PLG: variants seen among roughly 807,000 people sequenced by gnomAD.
PLG encodes plasmin.
Under a neutral mutation model 104.4 loss-of-function variants are expected in PLG, and 41 were observed. The observed-to-expected ratio is 0.39, with a 90% CI of 0.31 to 0.51. The LOEUF (loss-of-function observed/expected upper bound fraction) is 0.51. Among genes scored for constraint, PLG ranks in the 20% least tolerant of loss-of-function variants. The pLI is 0.76. For missense variants in PLG, 891 were observed against 1,003.6 expected (o/e 0.89, Z 1.52); for synonymous variants, 337 against 357.1 (o/e 0.94, Z 0.63).
chr6:160,749,312 CCAA>C (rs1778355128), intron 17 of PLG, among the ~76,000 whole-genome samples: 1 of 152,036 alleles, frequency 6.6e-6, no homozygotes. Flanking sequence ...ATCATCCCCA[CCAA>C]CATCATCACC....
chr6:160,750,083 GA>G (rs1554253210), intron 17 of PLG, among the ~76,000 whole-genome samples: 1 of 152,222 alleles, frequency 6.6e-6, no homozygotes, highest in Non-Finnish European at 1.5e-5. Flanking sequence ...TAATGACATT[GA>G]AGCAATGGGT....
At chr6:160,720,673 C>A (rs1354462600) in intron 9 of PLG, among the ~76,000 whole-genome samples, 1 of 152,100 alleles carries the variant, frequency 6.6e-6, no homozygotes, top group Non-Finnish European at 1.5e-5. Context: ...ATCACCTTGG[C>A]CTTCCAAAGT....
In PLG at chr6:160,706,504, T is replaced by G; in HGVS notation, c.147T>G (p.Cys49Trp). The G allele has an allele frequency of 6.2e-7, 1 of 1,613,886 alleles. No individual in the cohort carries two copies. Among genetic ancestry groups the G allele is most frequent in the Non-Finnish European group, 8.5e-7 (1 of 1,179,814 alleles). Residue 49 changes from cysteine to tryptophan, a missense_variant, in exon 2 of 19, where the codon TGT (cysteine) becomes TGG (tryptophan). Around this residue, in one of 2 missense-constraint regions of PLG, gnomAD observed 854 missense variants for 932.1 expected, o/e 0.92. Transcript: ENST00000308192. ...KQLGAGSIEE[C>W]AAKCEEDEEF... ...TGGGAGCAGGAAGTATAGAAGAATG[T>G]GCAGCAAAATGTGAGGAGGACGAAG...
At position 160,731,853 on chromosome 6, in the gene PLG, T is replaced by C; in HGVS notation, c.1547T>C (p.Phe516Ser). 7 of 1,614,136 alleles carry C rather than the reference T, an allele frequency of 4.3e-6. No homozygotes were observed. Among genetic ancestry groups the C allele is most frequent in the Non-Finnish European group, 5.1e-6 (6 of 1,180,004 alleles). ...CAGGAGCCCCATAGACACAGCATTT[T>C]CACTCCAGAGACAAATCCACGGGCG... ...AAQEPHRHSI[F>S]TPETNPRAGL... Residue 516 changes from phenylalanine to serine, a missense_variant, in exon 12 of 19, where the codon TTC becomes TCC. Phe to Ser is a radical substitution (Grantham distance 155). Transcript: ENST00000308192. The surrounding 1 kb of genome is among the most constrained non-coding windows in gnomAD (Gnocchi z 5.1).
intron 10 of PLG, among the ~76,000 whole-genome samples, chr6:160,729,525 A>T (rs1373616590): frequency 1.3e-5 from 2 of 152,256 alleles, no homozygotes; most frequent in Non-Finnish European, 2.9e-5. Flanking sequence ...TGATCTATTC[A>T]TATAATGGAA....
At position 160,744,417 on chromosome 6, in the gene PLG, T is replaced by C. The variant is rs527749801; in HGVS notation, c.2125+3000T>C. 1.3e-5 allele frequency among the ~76,000 whole-genome samples: 2 copies of C among 152,344 alleles called. No individual in the cohort carries two copies. The highest frequency in any genetic ancestry group is 4.1e-4 in the South Asian group (2 of 4,828). On this transcript the variant is annotated intron_variant, in intron 17 of 18. Coordinates refer to ENST00000308192, the MANE Select transcript of PLG (RefSeq NM_000301.5). This position sits in a 1 kb window ranked among gnomAD's most constrained non-coding sequence, Gnocchi z 4.5. ...GTGTATGTGTCCAGGAATTTATCCA[T>C]CTCTTTTAGGTTTTCTAGTTTGTGT...
In PLG at chr6:160,732,296, C is replaced by T. The variant is rs1778013407; in HGVS notation, c.1587+403C>T. Among the ~76,000 whole-genome samples, 1 of 152,138 alleles carries T rather than the reference C, an allele frequency of 6.6e-6. No individual in the cohort carries two copies. The highest frequency in any genetic ancestry group is 2.4e-5 in the African/African-American group (1 of 41,418). ...GGCCATCAGGTCACCATGGGACTTC[C>T]CTTAGCCTCATGCATTCTCTGCGAT... is the stretch of plus-strand genomic sequence containing the variant. On this transcript the variant is annotated intron_variant, in intron 12 of 18. Coordinates refer to ENST00000308192, the MANE Select transcript of PLG (RefSeq NM_000301.5). The surrounding 1 kb of genome is among the most constrained non-coding windows in gnomAD (Gnocchi z 4.5).
At chr6:160,709,706 T>C (rs1361039956) in intron 3 of PLG, among the ~76,000 whole-genome samples, 3 of 152,176 alleles carry the variant, frequency 2.0e-5, no homozygotes, top group Admixed American at 6.5e-5. Flanking sequence ...CAAAGTACCT[T>C]GAGTTTACAC....
At chr6:160,704,396 TC>T (rs1300356626) in intron 1 of PLG, among the ~76,000 whole-genome samples, 1 of 152,234 alleles carries the variant, frequency 6.6e-6, no homozygotes, top group Non-Finnish European at 1.5e-5. Context: ...ATGGAAGTTT[TC>T]TTTTTTTGAA....
rs572181122 is a variant in PLG, at chr6:160,740,834, G to C, written c.2019-477G>C. 6.6e-6 allele frequency among the ~76,000 whole-genome samples: 1 copy of C among 152,082 alleles called. No homozygotes were observed. The highest frequency in any genetic ancestry group is 2.4e-5 in the African/African-American group (1 of 41,412). On this transcript the variant is annotated intron_variant, in intron 16 of 18. Coordinates refer to ENST00000308192, the MANE Select transcript of PLG (RefSeq NM_000301.5). This position sits in a 1 kb window ranked among gnomAD's most constrained non-coding sequence, Gnocchi z 5.2. ...TTTACTGGATTCTTACAACTATGGC[G>C]TAGTAACATTCACTGAGGAGGAAAT...
rs1778188400 is a variant in PLG at position 160,741,226 on chromosome 6, G to C, written c.2019-85G>C. On this transcript the variant is annotated intron_variant, in intron 16 of 18. Coordinates refer to ENST00000308192, the MANE Select transcript of PLG (RefSeq NM_000301.5). The surrounding 1 kb of genome is among the most constrained non-coding windows in gnomAD (Gnocchi z 4.7). Reference sequence around the variant, plus strand: ...GGCAGTGCCAGTTCAGAGGGCTCTGGGGCCTCAAGACAGGGATGACTGGTT... The same window carrying C: ...GGCAGTGCCAGTTCAGAGGGCTCTGCGGCCTCAAGACAGGGATGACTGGTT... 4 of 913,860 alleles carry C rather than the reference G, an allele frequency of 4.4e-6. No individual in the cohort carries two copies. The highest frequency in any genetic ancestry group is 7.3e-6 in the Non-Finnish European group (4 of 544,704). 56.6% of individuals were successfully genotyped at this position (913,860 alleles called of 1,614,324 possible).
At position 160,724,847 on chromosome 6, in the gene PLG, GA is replaced by G. The variant is rs1777898758; in HGVS notation, c.1256+2283del. Among the ~76,000 whole-genome samples the G allele has an allele frequency of 1.3e-5, 2 of 152,252 alleles. No homozygotes were observed. Among genetic ancestry groups the G allele is most frequent in the South Asian group, 2.1e-4 (1 of 4,818 alleles). On this transcript the variant is annotated intron_variant, in intron 10 of 18. Coordinates refer to ENST00000308192, the MANE Select transcript of PLG (RefSeq NM_000301.5). This position sits in a 1 kb window ranked among gnomAD's most constrained non-coding sequence, Gnocchi z 5.0. ...GGCTTATATAATAAAAGATGTTCTA[GA>G]AATCTATTTTGGTAGAAGAAAAATA...
At chr6:160,747,977 G>C (rs1004701126) in intron 17 of PLG, among the ~76,000 whole-genome samples, 1 of 152,156 alleles carries the variant, frequency 6.6e-6, no homozygotes, top group Non-Finnish European at 1.5e-5. Context: ...TTAGAACCCT[G>C]GCTCCCATTT....
chr6:160,713,171 G>C, intron 5 of PLG, 46 bp downstream of exon 5: 4 of 1,493,714 alleles, frequency 2.7e-6, no homozygotes, highest in Non-Finnish European at 3.7e-6. Flanking sequence ...CCCTTCACCT[G>C]TAAAATAATT....
At chr6:160,703,302 C>T (rs1287938392) in intron 1 of PLG, among the ~76,000 whole-genome samples, 6 of 149,922 alleles carry the variant, frequency 4.0e-5, no homozygotes, top group Non-Finnish European at 8.9e-5. Context: ...ATATAATTAA[C>T]ATATAGAATT....
intron 4 of PLG, chr6:160,711,702 G>A (rs545894744): frequency 2.4e-4 from 388 of 1,608,634 alleles, no homozygotes; most frequent in Non-Finnish European, 3.2e-4. Context: ...ATAGAAGAAT[G>A]CCTAGTTTAA....
intron 3 of PLG, among the ~76,000 whole-genome samples, chr6:160,709,372 C>A (rs1777593519): frequency 1.3e-5 from 2 of 152,208 alleles, no homozygotes; most frequent in African/African-American, 4.8e-5. Flanking sequence ...GTTGGGGCTA[C>A]TTGTAGCTGT....
intron 8 of PLG, 112 bp downstream of exon 8, chr6:160,718,568 G>C (rs1444893299): frequency 7.4e-7 from 1 of 1,348,856 alleles, no homozygotes; most frequent in Admixed American, 1.7e-5. Flanking sequence ...AAGAAAAACT[G>C]ATCTAGTCAT....
chr6:160,719,488 A>G lies in PLG; in HGVS notation c.1096+650A>G, dbSNP rs1020389585. On this transcript the variant is annotated intron_variant, in intron 9 of 18. Transcript: ENST00000308192. This position sits in a 1 kb window ranked among gnomAD's most constrained non-coding sequence, Gnocchi z 4.1. ...CTTTTAAATTTATCTGAGCTTTTAA[A>G]TTGAGATGTTCAAACCATTTGCATT... Among the ~76,000 whole-genome samples, 11 of 152,198 alleles carry G rather than the reference A, an allele frequency of 7.2e-5. No individual in the cohort carries two copies. The highest frequency in any genetic ancestry group is 2.7e-4 in the African/African-American group (11 of 41,454).
Sources: allele counts gnomAD v4.1 joint callset (sites outside exome capture counted in the v4.1 genomes callset), GRCh38; gene constraint gnomAD v4.1.1; regional missense constraint gnomAD v4.1.1; non-coding constraint Gnocchi (gnomAD v3.1); transcripts MANE v1.5; gene names NCBI Gene and HGNC (gene_info 2026-07-23, HGNC 2026-07-21).